The following ZNF138 variants were observed in gnomAD, a reference collection of about 807,000 sequenced individuals.
The protein encoded by ZNF138 is zinc finger protein 138 (clone pHZ-32).
ZNF138 carries 33 observed loss-of-function variants against 33.0 expected under a neutral mutation model. The observed-to-expected ratio is 1.00, with a 90% CI of 0.76 to 1.34. The LOEUF (loss-of-function observed/expected upper bound fraction) is 1.34. Ranked by LOEUF, ZNF138 falls within the 40% of genes most tolerant of loss-of-function variation. The pLI, the probability that ZNF138 is intolerant of heterozygous loss-of-function variation, is 0.00. For missense variants in ZNF138, 360 were observed against 370.8 expected (o/e 0.97, Z 0.24); for synonymous variants, 139 against 120.4 (o/e 1.15, Z -1.01).
At chr7:64,830,828 A>G (rs1790022022) in intron 3 of ZNF138, 1 of 1,219,064 alleles carries the variant, frequency 8.2e-7, no homozygotes. Flanking sequence ...TCTTTCAGAC[A>G]TGTTCTTAGG....
rs572296945 is a variant in ZNF138 at position 64,809,047 on chromosome 7, T to C, written c.4-5871T>C. Among the ~76,000 whole-genome samples the C allele has an allele frequency of 5.8e-4, 73 of 126,082 alleles. 1 individual carries two copies. Among genetic ancestry groups the C allele is most frequent in the African/African-American group, 2.1e-3 (73 of 35,496 alleles). 82.7% of individuals were successfully genotyped at this position (126,082 alleles called of 152,430 possible). On this transcript the variant is annotated intron_variant, in intron 1 of 3. Coordinates refer to ENST00000307355, the MANE Select transcript of ZNF138 (RefSeq NM_001271639.2). ...CTTTTCCCCACCTTTCCCGCCTTTCTATTCCACAAAGCCGCCATTGTCATC... is the reference window on the plus strand; with the variant it reads ...CTTTTCCCCACCTTTCCCGCCTTTCCATTCCACAAAGCCGCCATTGTCATC...
At chr7:64,799,778 G>A (rs559569805) in intron 1 of ZNF138, among the ~76,000 whole-genome samples, 1 of 152,224 alleles carries the variant, frequency 6.6e-6, no homozygotes, top group Non-Finnish European at 1.5e-5. Flanking sequence ...CAAGTAGCTG[G>A]GATTACAGGC....
the ZNF138 span, chr7:64,852,670 T>G: frequency 7.4e-7 from 1 of 1,360,000 alleles, no homozygotes; most frequent in Non-Finnish European, 1.1e-6. Flanking sequence ...CTACATCTTC[T>G]TGGGTGACCA....
At chr7:64,810,537 A>G (rs1212207709) in intron 1 of ZNF138, among the ~76,000 whole-genome samples, 1 of 148,396 alleles carries the variant, frequency 6.7e-6, no homozygotes, top group African/African-American at 2.5e-5. Context: ...AAATTACTCT[A>G]GAAAACCCTA....
intron 1 of ZNF138, 70 bp downstream of exon 1, chr7:64,794,641 T>G (rs539883638): frequency 4.4e-6 from 7 of 1,608,324 alleles, no homozygotes; most frequent in Non-Finnish European, 6.0e-6. Flanking sequence ...GAAGTGGCTG[T>G]GGCAGTACTC....
chr7:64,800,590 T>C (rs1202713103), intron 1 of ZNF138, among the ~76,000 whole-genome samples: 4 of 152,180 alleles, frequency 2.6e-5, no homozygotes, highest in African/African-American at 9.6e-5. Context: ...AATTTGCCAG[T>C]ATTTTATTGA....
chr7:64,815,010 G>C lies in ZNF138; in HGVS notation c.96G>C (p.Val32=). The change falls in exon 2 of 4, where the codon GTG becomes GTC. Residue 32 remains valine, a synonymous_variant. Transcript: ENST00000307355. ...CACAGCGGAATGTATATAGGCATGT[G>C]ATGTTAGAGAACTACAGAAACCTGG... ...DTAQRNVYRH[V]MLENYRNLVF... The C allele has an allele frequency of 1.2e-6, 2 of 1,611,166 alleles. No individual in the cohort carries two copies. The highest frequency in any genetic ancestry group is 1.7e-6 in the Non-Finnish European group (2 of 1,178,584).
intron 3 of ZNF138, chr7:64,831,132 A>G (rs575828488): frequency 1.9e-6 from 3 of 1,545,968 alleles, no homozygotes; most frequent in South Asian, 2.4e-5. Context: ...TTGGCAGTTT[A>G]CTTCTAGAGG....
intron 3 of ZNF138, among the ~76,000 whole-genome samples, chr7:64,819,268 TA>T (rs1788919856): frequency 6.6e-6 from 1 of 152,166 alleles, no homozygotes; most frequent in Non-Finnish European, 1.5e-5. Flanking sequence ...TGTAAGTGAG[TA>T]ATCATGGAAA....
At position 64,820,588 on chromosome 7, in the gene ZNF138, G is replaced by A. The variant is rs116941524; in HGVS notation, c.208+4935G>A. On this transcript the variant is annotated intron_variant, in intron 3 of 3. Coordinates refer to ENST00000307355, the MANE Select transcript of ZNF138 (RefSeq NM_001271639.2). Reference sequence around the variant, plus strand: ...TGATGATAGTTTTATTTTTGAGATGGAGACTGGTTCTGTCACCCAGGCTGG... The same window carrying A: ...TGATGATAGTTTTATTTTTGAGATGAAGACTGGTTCTGTCACCCAGGCTGG... Among the ~76,000 whole-genome samples, 1,179 of 151,678 alleles carry A rather than the reference G, an allele frequency of 7.8e-3. 14 individuals carry two copies. The highest frequency in any genetic ancestry group is 0.013 in the Non-Finnish European group (872 of 68,020).
intron 1 of ZNF138, among the ~76,000 whole-genome samples, chr7:64,806,434 A>G (rs1032003911): frequency 5.3e-5 from 8 of 152,208 alleles, no homozygotes; most frequent in Non-Finnish European, 8.8e-5. Flanking sequence ...CTGAGTAGAC[A>G]TGCAGGCATG....
intron 1 of ZNF138, among the ~76,000 whole-genome samples, chr7:64,795,373 C>T (rs910864698): frequency 6.6e-6 from 1 of 152,068 alleles, no homozygotes; most frequent in Non-Finnish European, 1.5e-5. Context: ...TCACATGTGT[C>T]CCAAGCAGGG....
rs1786528118 is a variant in ZNF138 at position 64,794,515 on chromosome 7, C to G, written c.-54C>G. 1.4e-5 allele frequency: 23 copies of G among 1,611,524 alleles called. No homozygotes were observed. Among genetic ancestry groups the G allele is most frequent in the Non-Finnish European group, 2.0e-5 (23 of 1,178,360 alleles). The stretch of plus-strand genomic sequence containing the variant: ...GGCCCAGCCTCTGTGGCGCTGTGAT[C>G]TGGTTATTGGGAGATTCACAGCTAA... On this transcript the variant is annotated 5_prime_UTR_variant, in exon 1 of 4. In the 5' UTR this introduces an upstream ATG that the reference lacks. Coordinates refer to ENST00000307355, the MANE Select transcript of ZNF138 (RefSeq NM_001271639.2).
chr7:64,831,183 A>G, intron 3 of ZNF138: 2 of 1,425,816 alleles, frequency 1.4e-6, no homozygotes, highest in East Asian at 2.3e-5. Flanking sequence ...TGTGTTGGGT[A>G]AATGTAACAG....
chr7:64,846,065 T>A, the ZNF138 span, among the ~76,000 whole-genome samples: 1 of 152,218 alleles, frequency 6.6e-6, no homozygotes, highest in Non-Finnish European at 1.5e-5. Context: ...AAAGATCAGT[T>A]GGCTGTAAGT....
chr7:64,841,000 CT>C, the ZNF138 span, among the ~76,000 whole-genome samples: 2 of 150,966 alleles, frequency 1.3e-5, no homozygotes, highest in African/African-American at 2.4e-5. Flanking sequence ...CTATACTCTG[CT>C]TTTTTTTTAA....
At chr7:64,812,553 A>T (rs1788262983) in intron 1 of ZNF138, among the ~76,000 whole-genome samples, 1 of 152,184 alleles carries the variant, frequency 6.6e-6, no homozygotes, top group African/African-American at 2.4e-5. Flanking sequence ...CCATATTTCC[A>T]TTACTGTAGT....
intron 3 of ZNF138, 120 bp downstream of exon 3, chr7:64,815,773 G>T (rs940190279): frequency 2.1e-6 from 2 of 946,350 alleles, no homozygotes; most frequent in African/African-American, 3.5e-5. Flanking sequence ...TGGAAAGCCT[G>T]AGTTTTTTAT....
At chr7:64,823,115 G>A (rs1394614425) in intron 3 of ZNF138, among the ~76,000 whole-genome samples, 1 of 151,986 alleles carries the variant, frequency 6.6e-6, no homozygotes. Flanking sequence ...CCCGACCTCA[G>A]GTGATCCGCC....
Sources: allele counts gnomAD v4.1 joint callset (sites outside exome capture counted in the v4.1 genomes callset), GRCh38; gene constraint gnomAD v4.1.1; transcripts MANE v1.5; gene names NCBI Gene and HGNC (gene_info 2026-07-23, HGNC 2026-07-21).